TNPO2: variants seen among roughly 807,000 people sequenced by gnomAD.
TNPO2 encodes the protein transportin 2.
TNPO2 carries 16 observed loss-of-function variants against 111.1 expected under a neutral mutation model. The observed-to-expected ratio is 0.14, with a 90% confidence interval of 0.10 to 0.22. The LOEUF (loss-of-function observed/expected upper bound fraction) is 0.22, where lower values mean the gene tolerates loss of function less well. TNPO2 is among the 10% of genes least tolerant of loss of function. The probability of loss-of-function intolerance (pLI) is 1.00; values close to 1 mark genes in which losing one functional copy is unlikely to be tolerated. For missense variants in TNPO2, 530 were observed against 1,173.7 expected (o/e 0.45, Z 8.01); for synonymous variants, 481 against 475.8 (o/e 1.01, Z -0.14).
Position 12,714,950 on chromosome 19 carries a change from G to T in TNPO2, c.772-11C>A. On this transcript the variant is annotated splice_polypyrimidine_tract_variant and intron_variant, in intron 9 of 25. Transcript: ENST00000425528. The stretch of plus-strand genomic sequence containing the variant: ...CCTCTGCAGCATGTACTGTGGTAGG[G>T]GGGAGAAGCTGAGGCCTGGCCTGGC... 1.2e-6 allele frequency: 2 copies of T among 1,605,684 alleles called. No individual in the cohort carries two copies. Among genetic ancestry groups the T allele is most frequent in the African/African-American group, 2.7e-5 (2 of 74,580 alleles).
chr19:12,720,981 G>A lies in TNPO2; in HGVS notation c.-4C>T. Reference sequence around the variant, plus strand: ...GCTCGTCTGGCTGCCAGTCCATGGCGCAAGGCAAGCTGCGGAGGTAGGGGC... The same window carrying A: ...GCTCGTCTGGCTGCCAGTCCATGGCACAAGGCAAGCTGCGGAGGTAGGGGC... On this transcript the variant is annotated 5_prime_UTR_variant, in exon 3 of 26. Transcript: ENST00000425528. The A allele has an allele frequency of 1.3e-6, 2 of 1,575,672 alleles. No individual in the cohort carries two copies. Among genetic ancestry groups the A allele is most frequent in the Non-Finnish European group, 8.6e-7 (1 of 1,164,064 alleles).
chr19:12,707,207 C>T (rs1039174582), intron 13 of TNPO2, among the ~76,000 whole-genome samples: 6 of 152,038 alleles, frequency 3.9e-5, no homozygotes, highest in African/African-American at 1.5e-4. Flanking sequence ...CCATGTTGAC[C>T]AAGATGGTCT....
rs1332811088 is a variant in TNPO2, at chr19:12,711,350, A to G, written c.1063T>C (p.Ser355Pro). 1.2e-6 allele frequency: 2 copies of G among 1,613,818 alleles called. No homozygotes were observed. The highest frequency in any genetic ancestry group is 2.7e-5 in the African/African-American group (2 of 74,892). Residue 355 changes from serine (S) to proline (P), a missense_variant, in exon 12 of 26, where the codon TCC becomes CCC. Coordinates refer to ENST00000425528, the MANE Select transcript of TNPO2 (RefSeq NM_001382241.1). Reference protein sequence around the residue: ...LPHEAERPDGSEDAEDDDDDD... With the variant: ...LPHEAERPDGPEDAEDDDDDD... The stretch of plus-strand genomic sequence containing the variant: ...TCATCGTCATCCTCCGCGTCCTCGG[A>G]GCCATCAGGCCGCTCAGCCTCGTGG...
At chr19:12,720,720 G>A (rs1293031175) in intron 3 of TNPO2, among the ~76,000 whole-genome samples, 159 bp downstream of exon 3, 2 of 152,146 alleles carry the variant, frequency 1.3e-5, no homozygotes, top group Non-Finnish European at 2.9e-5. Flanking sequence ...CTGGAAATGG[G>A]ACCCAGGAAT....
intron 10 of TNPO2, among the ~76,000 whole-genome samples, chr19:12,714,320 T>C (rs896338545): frequency 6.6e-6 from 1 of 151,450 alleles, no homozygotes. Flanking sequence ...ATTTCTTTTT[T>C]TTTTTTTTTT....
chr19:12,718,807 C>T (rs192225433), intron 5 of TNPO2, among the ~76,000 whole-genome samples: 21 of 152,292 alleles, frequency 1.4e-4, no homozygotes, highest in African/African-American at 5.1e-4. Flanking sequence ...GGAGTGGTTC[C>T]AGAGCGTGGC....
chr19:12,711,556 G>A lies in TNPO2; in HGVS notation c.948C>T (p.Leu316=). The change falls in exon 11 of 26, where the codon CTC becomes CTT. Residue 316 remains leucine (L), a synonymous_variant. Transcript: ENST00000425528. ...TGCTGGGTGGGCCCTGCCTGACCTTGAGCAGGATGATGTCAATTTCCGAGT... is the reference window on the plus strand; with the variant it reads ...TGCTGGGTGGGCCCTGCCTGACCTTAAGCAGGATGATGTCAATTTCCGAGT... ...MKYSEIDIIL[L]KGDVEEDEAV... 2 of 1,613,946 alleles carry A rather than the reference G, an allele frequency of 1.2e-6. No homozygotes were observed. Among genetic ancestry groups the A allele is most frequent in the Non-Finnish European group, 1.7e-6 (2 of 1,179,874 alleles).
rs116518190 is a variant in TNPO2, at chr19:12,702,168, G to A, written c.2315C>T (p.Thr772Met). ...GATGGCTGGAATGGCAGAGGGACTC[G>A]TCAGGCGACCTGCAACCCCGAGCGG... Reference protein sequence around the residue: ...KTLLENTGRLTSPSAIPAITI... With the variant: ...KTLLENTGRLMSPSAIPAITI... Residue 772 changes from threonine (T) to methionine (M), a missense_variant, in exon 22 of 26, where the codon ACG (threonine) becomes ATG (methionine). By Grantham distance (81) the Thr-to-Met change is moderately conservative. Around this residue, in one of 4 missense-constraint regions of TNPO2, gnomAD observed 183 missense variants for 481.0 expected, o/e 0.38. Coordinates refer to ENST00000425528, the MANE Select transcript of TNPO2 (RefSeq NM_001382241.1). The surrounding 1 kb of genome is among the most constrained non-coding windows in gnomAD (Gnocchi z 5.5). 1.7e-3 allele frequency: 2,680 copies of A among 1,612,946 alleles called. 40 individuals are homozygous for A. In the African/African-American group the frequency reaches 0.03, roughly 18 times the overall value.
intron 18 of TNPO2, 100 bp from the exon 19 acceptor site, chr19:12,703,901 T>G (rs528667099): frequency 9.2e-7 from 1 of 1,082,008 alleles, no homozygotes; most frequent in African/African-American, 1.6e-5. Context: ...CTCTGCCACT[T>G]TCCAGTTCTA....
chr19:12,709,293 C>T (rs1468125225), intron 13 of TNPO2, among the ~76,000 whole-genome samples: 3 of 150,530 alleles, frequency 2.0e-5, no homozygotes, highest in East Asian at 2.0e-4. Context: ...ACCTGGAAGG[C>T]GGAGGTTGCA....
chr19:12,719,467 G>A lies in TNPO2; in HGVS notation c.100-131C>T. The A allele has an allele frequency of 4.0e-6, 3 of 753,958 alleles. No homozygotes were observed. The highest frequency in any genetic ancestry group is 6.9e-6 in the Non-Finnish European group (3 of 434,672). The allele number at this position is 753,958 out of a possible 1,614,324, so 46.7% of individuals were successfully genotyped here. A position where few individuals can be genotyped will look rare whatever the true frequency, so the allele number is the denominator to read the frequency against. On this transcript the variant is annotated intron_variant, in intron 3 of 25. Coordinates refer to ENST00000425528, the MANE Select transcript of TNPO2 (RefSeq NM_001382241.1). The surrounding 1 kb of genome is among the most constrained non-coding windows in gnomAD (Gnocchi z 5.0). Reference sequence around the variant, plus strand: ...CCTGGGGGATCCCGCTCCCTAATAAGCCCACAATGACACAGAGCACCTCAG... The same window carrying A: ...CCTGGGGGATCCCGCTCCCTAATAAACCCACAATGACACAGAGCACCTCAG...
chr19:12,704,255 G>A (rs965688394), intron 18 of TNPO2, among the ~76,000 whole-genome samples: 9 of 152,128 alleles, frequency 5.9e-5, no homozygotes, highest in Non-Finnish European at 7.4e-5. Context: ...TGTAGTCCCA[G>A]CTTCTTGAGA....
At chr19:12,704,962 G>T (rs115676505) in intron 18 of TNPO2, among the ~76,000 whole-genome samples, 1 of 152,042 alleles carries the variant, frequency 6.6e-6, no homozygotes, top group East Asian at 1.9e-4. Context: ...GATTATAGGC[G>T]TGAGCACCTG....
chr19:12,710,558 A>G (rs1247627364), intron 13 of TNPO2, 63 bp downstream of exon 13: 2 of 1,569,494 alleles, frequency 1.3e-6, no homozygotes, highest in Non-Finnish European at 1.7e-6. Context: ...TGGTGTGGCT[A>G]GTAATGTGGG....
In TNPO2 at chr19:12,701,550, AC is replaced by A. The variant is rs1365771740; in HGVS notation, c.2586+47del. On this transcript the variant is annotated intron_variant, in intron 24 of 25. Transcript: ENST00000425528. The surrounding 1 kb of genome is among the most constrained non-coding windows in gnomAD (Gnocchi z 5.0). Reference sequence around the variant, plus strand: ...GGCCCCATTGTTACCAGATGGTCTCACCCCTGCCTGCTCCCGGAACTAGATC... The same window carrying A: ...GGCCCCATTGTTACCAGATGGTCTCACCCTGCCTGCTCCCGGAACTAGATC... The A allele has an allele frequency of 6.2e-7, 1 of 1,608,252 alleles. No individual in the cohort carries two copies. The highest frequency in any genetic ancestry group is 2.2e-5 in the East Asian group (1 of 44,794).
chr19:12,717,127 T>A (rs911387509), intron 5 of TNPO2, among the ~76,000 whole-genome samples: 2 of 145,848 alleles, frequency 1.4e-5, no homozygotes, highest in African/African-American at 2.8e-5. Flanking sequence ...AGGTGCTCCC[T>A]GCAATGGGTA....
intron 5 of TNPO2, among the ~76,000 whole-genome samples, chr19:12,718,755 G>A (rs954395193): frequency 4.6e-5 from 7 of 152,340 alleles, no homozygotes; most frequent in Admixed American, 4.6e-4. Flanking sequence ...AATTCTAGAT[G>A]TTGCATGACT....
chr19:12,701,696 G>T lies in TNPO2; in HGVS notation c.2512-24C>A, dbSNP rs747276534. ...TCCTGAAACGTGACGGATCCCAGGT[G>T]AGGGGCCGCCCGAGCCCAGCGCCCG... On this transcript the variant is annotated intron_variant, in intron 23 of 25. Coordinates refer to ENST00000425528, the MANE Select transcript of TNPO2 (RefSeq NM_001382241.1). The surrounding 1 kb of genome is among the most constrained non-coding windows in gnomAD (Gnocchi z 5.0). 7 of 1,613,712 alleles carry T rather than the reference G, an allele frequency of 4.3e-6. No individual in the cohort carries two copies. In the South Asian group the frequency reaches 7.7e-5, roughly 18 times the overall value.
At position 12,702,793 on chromosome 19, in the gene TNPO2, G is replaced by A. The variant is rs376539934; in HGVS notation, c.2305+30C>T. 1.2e-6 allele frequency: 2 copies of A among 1,600,514 alleles called. No individual in the cohort carries two copies. The highest frequency in any genetic ancestry group is 2.2e-5 in the East Asian group (1 of 44,830). ...CCCCACCTCCAGAAGGCAGGCAGGG[G>A]TGCAGGCAGCAGCCGGGCCAGGTGC... On this transcript the variant is annotated intron_variant, in intron 21 of 25. Coordinates refer to ENST00000425528, the MANE Select transcript of TNPO2 (RefSeq NM_001382241.1). The surrounding 1 kb of genome is among the most constrained non-coding windows in gnomAD (Gnocchi z 5.5).
Sources: allele counts gnomAD v4.1 joint callset (sites outside exome capture counted in the v4.1 genomes callset), GRCh38; gene constraint gnomAD v4.1.1; regional missense constraint gnomAD v4.1.1; non-coding constraint Gnocchi (gnomAD v3.1); transcripts MANE v1.5; gene names NCBI Gene and HGNC (gene_info 2026-07-23, HGNC 2026-07-21).